Variants in ATL2 observed in about 807,000 individuals in gnomAD.
ATL2 encodes the protein atlastin-2.
Under a neutral mutation model 73.9 loss-of-function variants are expected in ATL2, and 31 were observed. The ratio of observed to expected loss-of-function variants is 0.42; its 90% CI spans 0.32 to 0.57. ATL2 has a LOEUF of 0.57. Ranked by LOEUF, ATL2 falls within the 20% of genes least tolerant of loss-of-function variation. ATL2 has a pLI of 0.14. For missense variants in ATL2, 738 were observed against 702.6 expected (o/e 1.05, Z -0.57); for synonymous variants, 291 against 237.5 (o/e 1.23, Z -2.07).
intron 9 of ATL2, among the ~76,000 whole-genome samples, chr2:38,306,537 T>C (rs936013614): frequency 6.6e-6 from 1 of 152,190 alleles, no homozygotes; most frequent in Admixed American, 6.5e-5. Flanking sequence ...TCATTCATCA[T>C]CACCTAGGGT....
At chr2:38,302,182 T>C (rs1024414768) in intron 9 of ATL2, among the ~76,000 whole-genome samples, 3 of 152,096 alleles carry the variant, frequency 2.0e-5, no homozygotes, top group Non-Finnish European at 2.9e-5. Context: ...TAAGCAGTAG[T>C]GGTAGCCAGG....
chr2:38,372,343 G>C (rs1285030280), intron 1 of ATL2, among the ~76,000 whole-genome samples: 1 of 152,092 alleles, frequency 6.6e-6, no homozygotes, highest in Non-Finnish European at 1.5e-5. Context: ...CAAGCATACA[G>C]TATAACAATG....
At chr2:38,310,115 A>G (rs1266579725) in intron 8 of ATL2, among the ~76,000 whole-genome samples, 194 bp downstream of exon 8, 1 of 152,246 alleles carries the variant, frequency 6.6e-6, no homozygotes, top group Non-Finnish European at 1.5e-5. Context: ...TAGGTTAATC[A>G]ATATGCTAGA....
chr2:38,377,882 T>C (rs925542625), upstream of ATL2, among the ~76,000 whole-genome samples: 34 of 151,644 alleles, frequency 2.2e-4, no homozygotes, highest in African/African-American at 6.3e-4. Flanking sequence ...CTAAGGTTTG[T>C]TTGCATTCGC....
intron 2 of ATL2, among the ~76,000 whole-genome samples, chr2:38,342,845 G>A (rs977531642): frequency 6.6e-5 from 10 of 151,870 alleles, no homozygotes; most frequent in South Asian, 2.1e-4. Flanking sequence ...GAATTATGGC[G>A]ATGAAGAATC....
At chr2:38,356,994 C>T (rs936798696) in intron 1 of ATL2, among the ~76,000 whole-genome samples, 1 of 152,068 alleles carries the variant, frequency 6.6e-6, no homozygotes, top group Non-Finnish European at 1.5e-5. Context: ...AACTGGAGTA[C>T]CTTGTATACA....
chr2:38,321,336 T>A (rs938080262), intron 2 of ATL2, among the ~76,000 whole-genome samples: 1 of 152,162 alleles, frequency 6.6e-6, no homozygotes, highest in Non-Finnish European at 1.5e-5. Flanking sequence ...CATTTCTTTT[T>A]CTTCAGTTTT....
At chr2:38,310,159 A>G in intron 8 of ATL2, 150 bp downstream of exon 8, 1 of 859,550 alleles carries the variant, frequency 1.2e-6, no homozygotes, top group Non-Finnish European at 1.7e-6. Context: ...TGCTAGAGAA[A>G]CAACACAGAG....
At chr2:38,367,609 A>C (rs1199270111) in intron 1 of ATL2, among the ~76,000 whole-genome samples, 2 of 147,624 alleles carry the variant, frequency 1.4e-5, no homozygotes, top group African/African-American at 5.1e-5. Flanking sequence ...AAAAAAAAAA[A>C]AAAAAAACCG....
intron 2 of ATL2, among the ~76,000 whole-genome samples, chr2:38,325,661 T>A (rs1442986219): frequency 4.1e-4 from 17 of 41,692 alleles, no homozygotes; most frequent in East Asian, 3.4e-3. Context: ...CACACACCAG[T>A]ACACACACAC....
chr2:38,365,801 G>A (rs1024067839), intron 1 of ATL2, among the ~76,000 whole-genome samples: 5 of 151,608 alleles, frequency 3.3e-5, no homozygotes, highest in African/African-American at 7.3e-5. Context: ...AAAAAAATTC[G>A]CCAGGTGTGG....
intron 12 of ATL2, 82 bp downstream of exon 12, chr2:38,298,062 G>A: frequency 5.3e-6 from 7 of 1,324,822 alleles, no homozygotes; most frequent in Non-Finnish European, 7.3e-6. Flanking sequence ...TGAAGGCAAA[G>A]TCGGAGTACA....
At chr2:38,303,797 T>C (rs1324564053) in intron 9 of ATL2, among the ~76,000 whole-genome samples, 2 of 151,960 alleles carry the variant, frequency 1.3e-5, no homozygotes, top group Admixed American at 1.3e-4. Context: ...TAAGACTACC[T>C]CAAGACATGT....
intron 1 of ATL2, among the ~76,000 whole-genome samples, chr2:38,345,290 A>C (rs1037303163): frequency 2.0e-5 from 3 of 152,206 alleles, no homozygotes; most frequent in Non-Finnish European, 4.4e-5. Flanking sequence ...GGCGTGGTAC[A>C]TTATTAGTGA....
intron 9 of ATL2, among the ~76,000 whole-genome samples, chr2:38,305,619 C>T (rs567797739): frequency 6.6e-6 from 1 of 151,574 alleles, no homozygotes; most frequent in South Asian, 2.1e-4. Context: ...AAATCAATAA[C>T]GAGGAATTTT....
intron 2 of ATL2, among the ~76,000 whole-genome samples, chr2:38,334,746 C>T (rs1351957535): frequency 6.7e-6 from 1 of 150,136 alleles, no homozygotes; most frequent in African/African-American, 2.4e-5. Context: ...GCCTGCTTCT[C>T]ACATTGGCAA....
At chr2:38,349,535 A>AG (rs1450111347) in intron 1 of ATL2, among the ~76,000 whole-genome samples, 1 of 61,164 alleles carries the variant, frequency 1.6e-5, no homozygotes, top group African/African-American at 6.6e-5. Context: ...GGGTGGGGGG[A>AG]GGGGGGAGGG....
chr2:38,369,600 A>C (rs1255953750), intron 1 of ATL2, among the ~76,000 whole-genome samples: 1 of 149,254 alleles, frequency 6.7e-6, no homozygotes, highest in Non-Finnish European at 1.5e-5. Context: ...TTTTTTTTTT[A>C]ATTAGCCAGG....
chr2:38,368,829 G>A (rs761190996), intron 1 of ATL2, among the ~76,000 whole-genome samples: 3 of 152,146 alleles, frequency 2.0e-5, no homozygotes, highest in Admixed American at 6.5e-5. Context: ...AGTAACTAAC[G>A]CCTGTAATCC....
Sources: allele counts gnomAD v4.1 joint callset (sites outside exome capture counted in the v4.1 genomes callset), GRCh38; gene constraint gnomAD v4.1.1; transcripts MANE v1.5; gene names NCBI Gene and HGNC (gene_info 2026-07-23, HGNC 2026-07-21).